The following TAPT1 variants were observed in gnomAD, a reference collection of about 807,000 sequenced individuals.
The protein encoded by TAPT1 is transmembrane anterior posterior transformation 1.
In TAPT1, 28 loss-of-function variants were observed where a neutral mutation model predicts 65.6. That is an observed-to-expected ratio of 0.43 (90% CI 0.32 to 0.59). The LOEUF (loss-of-function observed/expected upper bound fraction) is 0.59, where lower values mean the gene tolerates loss of function less well. TAPT1 is among the 20% of genes least tolerant of loss of function. The probability of loss-of-function intolerance (pLI) is 0.09; values close to 1 mark genes in which losing one functional copy is unlikely to be tolerated. For missense variants in TAPT1, 563 were observed against 679.9 expected, an observed-to-expected ratio of 0.83 and a Z score of 1.91; for synonymous variants, 278 against 245.2, an observed-to-expected ratio of 1.13 and a Z score of -1.25.
intron 4 of TAPT1, chr4:16,190,855 A>G (rs73798867): frequency 0.018 from 2,732 of 155,068 alleles, 76 homozygotes; most frequent in African/African-American, 0.062. Flanking sequence ...GGGAACTTAT[A>G]TTTATTTACC....
At chr4:16,221,584 A>G (rs1454955820) in intron 1 of TAPT1, among the ~76,000 whole-genome samples, 2 of 152,240 alleles carry the variant, frequency 1.3e-5, no homozygotes, top group African/African-American at 4.8e-5. Flanking sequence ...TATTTTAGAA[A>G]TAAGAACCAA....
At chr4:16,198,432 T>C (rs189518273) in intron 3 of TAPT1, among the ~76,000 whole-genome samples, 2 of 152,326 alleles carry the variant, frequency 1.3e-5, no homozygotes, top group East Asian at 3.9e-4. Flanking sequence ...AGTTACTGTT[T>C]TCACGTCAGC....
At chr4:16,217,558 T>A (rs1484121108) in intron 1 of TAPT1, among the ~76,000 whole-genome samples, 4 of 152,388 alleles carry the variant, frequency 2.6e-5, no homozygotes, top group Admixed American at 2.6e-4. Flanking sequence ...TCTGATATGA[T>A]AATTTCTGGT....
At chr4:16,225,109 G>C (rs1278009688) in intron 1 of TAPT1, among the ~76,000 whole-genome samples, 1 of 152,196 alleles carries the variant, frequency 6.6e-6, no homozygotes, top group Non-Finnish European at 1.5e-5. Flanking sequence ...ACCAAATAAA[G>C]TATGGTTGAG....
chr4:16,173,776 T>C (rs1458475363), intron 11 of TAPT1, among the ~76,000 whole-genome samples: 1 of 152,196 alleles, frequency 6.6e-6, no homozygotes, highest in Non-Finnish European at 1.5e-5. Flanking sequence ...AACTATTTCC[T>C]TAGGATAATT....
chr4:16,213,404 T>G (rs1168866092), intron 2 of TAPT1, among the ~76,000 whole-genome samples: 1 of 152,130 alleles, frequency 6.6e-6, no homozygotes, highest in African/African-American at 2.4e-5. Context: ...AGGCTGAAAT[T>G]AAATAATTTA....
chr4:16,215,076 G>A (rs761811702), intron 1 of TAPT1, among the ~76,000 whole-genome samples: 14 of 152,122 alleles, frequency 9.2e-5, no homozygotes, highest in Non-Finnish European at 2.1e-4. Flanking sequence ...CAGATCACGA[G>A]GTCAGGAGTT....
rs373306936 is a variant in TAPT1 at position 16,188,302 on chromosome 4, A to G, written c.666T>C (p.Tyr222=). 93 of 1,611,418 alleles carry G rather than the reference A, an allele frequency of 5.8e-5. No individual in the cohort carries two copies. The highest frequency in any genetic ancestry group is 6.6e-5 in the Non-Finnish European group (78 of 1,178,816). Residue 222 remains tyrosine (Y), a synonymous_variant, in exon 5 of 14, where the codon TAT becomes TAC. Coordinates refer to ENST00000405303, the MANE Select transcript of TAPT1 (RefSeq NM_153365.3). ...SFGQDILDAL[Y]WTATEPKERK... is the part of the protein sequence containing the mutation. Reference sequence around the variant, plus strand: ...TTTCTTTAGGCTCTGTTGCTGTCCAATAGAGAGCATCTAATATGTCTTGTC... The same window carrying G: ...TTTCTTTAGGCTCTGTTGCTGTCCAGTAGAGAGCATCTAATATGTCTTGTC...
chr4:16,170,528 T>G (rs1238109832), intron 12 of TAPT1, 125 bp downstream of exon 12: 1 of 593,988 alleles, frequency 1.7e-6, no homozygotes, highest in Non-Finnish European at 3.0e-6. Flanking sequence ...CTTGGAGGTA[T>G]AGCTGTTGAA....
At chr4:16,196,793 G>A (rs1749732156) in intron 3 of TAPT1, 11 of 793,910 alleles carry the variant, frequency 1.4e-5, no homozygotes, top group South Asian at 5.6e-5. Context: ...TCCATGGTGA[G>A]GAAACGGGAC....
intron 2 of TAPT1, among the ~76,000 whole-genome samples, chr4:16,207,402 C>T (rs961256943): frequency 1.3e-5 from 2 of 152,154 alleles, no homozygotes; most frequent in Non-Finnish European, 2.9e-5. Context: ...ATTTGAAGTC[C>T]GTTCGTTTGA....
In TAPT1 at chr4:16,225,756, T is replaced by C. The variant is rs1578496421; in HGVS notation, c.199+503A>G. On this transcript the variant is annotated intron_variant, in intron 1 of 13. Transcript: ENST00000405303. ...TAAATATTTCTGTACTGGGCAAAAC[T>C]ACTGAACTTCATGGTCACTACCACA... is the stretch of plus-strand genomic sequence containing the variant. 7.3e-6 allele frequency: 3 copies of C among 411,402 alleles called. No homozygotes were observed. In the South Asian group the frequency reaches 3.0e-4, roughly 41 times the overall value. The allele number at this position is 411,402 out of a possible 1,614,324, so 25.5% of individuals were successfully genotyped here. A position where few individuals can be genotyped will look rare whatever the true frequency, so the allele number is the denominator to read the frequency against.
chr4:16,184,531 T>C (rs939702811), intron 7 of TAPT1, among the ~76,000 whole-genome samples: 1 of 152,178 alleles, frequency 6.6e-6, no homozygotes, highest in Admixed American at 6.5e-5. Flanking sequence ...CAGGTGAACA[T>C]TTAACTGTAA....
At chr4:16,217,025 A>G (rs1750978683) in intron 1 of TAPT1, among the ~76,000 whole-genome samples, 1 of 151,678 alleles carries the variant, frequency 6.6e-6, no homozygotes, top group Admixed American at 6.6e-5. Context: ...ACTACTTTTC[A>G]TTTCTCCCAA....
intron 8 of TAPT1, among the ~76,000 whole-genome samples, chr4:16,177,280 ATTTT>A (rs1225568986): frequency 1.3e-5 from 2 of 152,210 alleles, no homozygotes; most frequent in Non-Finnish European, 1.5e-5. Flanking sequence ...CAATAAAAAA[ATTTT>A]TTTAATGCCA....
intron 12 of TAPT1, among the ~76,000 whole-genome samples, chr4:16,170,007 CG>C (rs959021547): frequency 2.2e-4 from 33 of 152,282 alleles, no homozygotes; most frequent in African/African-American, 6.5e-4. Flanking sequence ...ACAGGTTTCC[CG>C]TTTCATTTTT....
At chr4:16,204,124 C>G (rs35804424) in intron 2 of TAPT1, among the ~76,000 whole-genome samples, 38,110 of 151,980 alleles carry the variant, frequency 0.25, 5,634 homozygotes, top group East Asian at 0.32. Flanking sequence ...CACTGAGAAG[C>G]CTTTCCGTCC....
At chr4:16,186,965 T>A in intron 5 of TAPT1, 87 bp from the exon 6 acceptor site, 1 of 710,264 alleles carries the variant, frequency 1.4e-6, no homozygotes, top group Non-Finnish European at 2.4e-6. Context: ...ATAATAAAGA[T>A]GACTTTCTTT....
chr4:16,226,906 C>T (rs758818719), upstream of TAPT1: 5 of 324,214 alleles, frequency 1.5e-5, no homozygotes, highest in African/African-American at 2.3e-5. Flanking sequence ...TGCGAGGTGT[C>T]CGGCGGTCCG....
Sources: gnomAD v4.1 joint callset for allele counts (sites outside exome capture counted in the v4.1 genomes callset) on GRCh38, gnomAD v4.1.1 for gene constraint, MANE v1.5 for transcripts, NCBI Gene and HGNC (gene_info 2026-07-23, HGNC 2026-07-21) for gene names.